TMEM178B: variants seen among roughly 807,000 people sequenced by gnomAD.
TMEM178B encodes the protein transmembrane protein 178B.
Under a neutral mutation model 31.0 loss-of-function variants are expected in TMEM178B, and 5 were observed. That is an observed-to-expected ratio of 0.16 (90% CI 0.08 to 0.34). The LOEUF is 0.34. TMEM178B is among the 10% of genes least tolerant of loss of function. The pLI, the probability that TMEM178B is intolerant of heterozygous loss-of-function variation, is 1.00. For synonymous variants in TMEM178B, 164 were observed against 164.0 expected, an observed-to-expected ratio of 1.00 and a Z score of 0.00; for missense variants, 275 against 400.3, an observed-to-expected ratio of 0.69 and a Z score of 2.67.
chr7:141,110,626 G>A (rs1289306775), intron 1 of TMEM178B, among the ~76,000 whole-genome samples: 1 of 152,172 alleles, frequency 6.6e-6, no homozygotes, highest in African/African-American at 2.4e-5. Context: ...GCACATAGGA[G>A]AGCAGAATAA....
rs1228897131 is a variant in TMEM178B at position 141,378,411 on chromosome 7, A to G, written c.497-59197A>G. ...GGAAATGAGTCACTGAGTTCAGCCCATATGGTTTTTTTCTGAACCCTCCCC... is the reference window on the plus strand; with the variant it reads ...GGAAATGAGTCACTGAGTTCAGCCCGTATGGTTTTTTTCTGAACCCTCCCC... On this transcript the variant is annotated intron_variant, in intron 2 of 3. Coordinates refer to ENST00000565468, the MANE Select transcript of TMEM178B (RefSeq NM_001195278.2). 2.6e-5 allele frequency among the ~76,000 whole-genome samples: 4 copies of G among 152,096 alleles called. No homozygotes were observed. In the East Asian group the frequency reaches 5.8e-4, roughly 22 times the overall value.
At chr7:141,269,060 C>T (rs542053984) in intron 2 of TMEM178B, among the ~76,000 whole-genome samples, 1 of 151,390 alleles carries the variant, frequency 6.6e-6, no homozygotes, top group East Asian at 2.0e-4. Context: ...CCTAATTTGG[C>T]TCCTTATGAT....
At chr7:141,177,610 T>C (rs1796454879) in intron 1 of TMEM178B, among the ~76,000 whole-genome samples, 1 of 152,192 alleles carries the variant, frequency 6.6e-6, no homozygotes, top group Non-Finnish European at 1.5e-5. Context: ...AGAACTTGCT[T>C]TATGAATCTG....
intron 3 of TMEM178B, among the ~76,000 whole-genome samples, chr7:141,439,273 T>C (rs1801612778): frequency 6.6e-6 from 1 of 152,160 alleles, no homozygotes; most frequent in Non-Finnish European, 1.5e-5. Context: ...AAAAACCGTC[T>C]GCTGTTAGAG....
intron 2 of TMEM178B, among the ~76,000 whole-genome samples, chr7:141,216,239 T>C (rs937360233): frequency 5.3e-5 from 8 of 152,128 alleles, no homozygotes; most frequent in South Asian, 2.1e-4. Context: ...TAAAACTACA[T>C]TGTGGTTTTT....
At chr7:141,121,841 C>A (rs1795412878) in intron 1 of TMEM178B, among the ~76,000 whole-genome samples, 1 of 152,114 alleles carries the variant, frequency 6.6e-6, no homozygotes, top group South Asian at 2.1e-4. Context: ...CTTTTTAGCA[C>A]CCCCTTTTTG....
the TMEM178B span, among the ~76,000 whole-genome samples, chr7:141,505,576 T>A: frequency 6.6e-6 from 1 of 152,212 alleles, no homozygotes; most frequent in Admixed American, 6.5e-5. Context: ...AAGTTTCTTA[T>A]AGTTAATATG....
At chr7:141,208,254 C>G (rs1222919778) in intron 1 of TMEM178B, among the ~76,000 whole-genome samples, 1 of 152,014 alleles carries the variant, frequency 6.6e-6, no homozygotes, top group Non-Finnish European at 1.5e-5. Flanking sequence ...AAGGAGCCAC[C>G]CCTGGGATCT....
At chr7:141,108,700 G>A (rs1795185282) in intron 1 of TMEM178B, among the ~76,000 whole-genome samples, 1 of 152,140 alleles carries the variant, frequency 6.6e-6, no homozygotes, top group African/African-American at 2.4e-5. Flanking sequence ...TCACTTGAGG[G>A]CTGTGGTCCC....
At chr7:141,467,245 G>C (rs986401338) in intron 3 of TMEM178B, among the ~76,000 whole-genome samples, 8 of 152,076 alleles carry the variant, frequency 5.3e-5, no homozygotes, top group African/African-American at 1.9e-4. Context: ...TTCAGTCTGA[G>C]CCCTAGTGCA....
chr7:141,504,662 G>A, the TMEM178B span, among the ~76,000 whole-genome samples: 1 of 152,184 alleles, frequency 6.6e-6, no homozygotes, highest in African/African-American at 2.4e-5. Context: ...ACAAAGAGTG[G>A]TAATATCATC....
At chr7:141,337,318 T>A (rs12530570) in intron 2 of TMEM178B, among the ~76,000 whole-genome samples, 123,842 of 144,316 alleles carry the variant, frequency 0.86, 53,612 homozygotes, top group East Asian at 1. Flanking sequence ...CACCACCATA[T>A]TCATCATCAC....
At chr7:141,321,264 A>G (rs1209278988) in intron 2 of TMEM178B, among the ~76,000 whole-genome samples, 1 of 152,192 alleles carries the variant, frequency 6.6e-6, no homozygotes. Flanking sequence ...AGGATTTAAC[A>G]TCCTGTAAAA....
At chr7:141,490,200 G>A in the TMEM178B span, among the ~76,000 whole-genome samples, 4 of 152,338 alleles carry the variant, frequency 2.6e-5, no homozygotes, top group African/African-American at 9.6e-5. Context: ...CAAGGAAACA[G>A]TGCTGGTATT....
intron 2 of TMEM178B, among the ~76,000 whole-genome samples, chr7:141,329,406 A>T (rs899844568): frequency 6.6e-6 from 1 of 152,122 alleles, no homozygotes; most frequent in Non-Finnish European, 1.5e-5. Flanking sequence ...CTTTCCCATG[A>T]CTGGGTAACA....
intron 2 of TMEM178B, among the ~76,000 whole-genome samples, chr7:141,280,836 G>A (rs1232077404): frequency 1.3e-5 from 2 of 152,236 alleles, no homozygotes; most frequent in African/African-American, 4.8e-5. Flanking sequence ...GACACAGGTG[G>A]CCTGCTGGCC....
intron 1 of TMEM178B, among the ~76,000 whole-genome samples, chr7:141,128,409 TGGCAAGGCAAAACAGCCCCTGGGCA>T (rs1795540121): frequency 6.6e-6 from 1 of 152,190 alleles, no homozygotes; most frequent in African/African-American, 2.4e-5. Context: ...CAGACTTATT[TGGCAAGGCAAAACAGCCCCTGGGCA>T]CCTTACGTGT....
At chr7:141,430,383 T>C (rs939609201) in intron 2 of TMEM178B, among the ~76,000 whole-genome samples, 2 of 152,256 alleles carry the variant, frequency 1.3e-5, no homozygotes, top group Non-Finnish European at 2.9e-5. Context: ...TTTACACTTA[T>C]ATAGCTCTAG....
At chr7:141,142,359 T>C (rs537307852) in intron 1 of TMEM178B, among the ~76,000 whole-genome samples, 1 of 152,296 alleles carries the variant, frequency 6.6e-6, no homozygotes, top group East Asian at 1.9e-4. Flanking sequence ...GAGGAACATA[T>C]AAGTACATGT....
Sources: allele counts gnomAD v4.1 joint callset (sites outside exome capture counted in the v4.1 genomes callset), GRCh38; gene constraint gnomAD v4.1.1; transcripts MANE v1.5; gene names NCBI Gene and HGNC (gene_info 2026-07-23, HGNC 2026-07-21).